Variants in CCDC30 observed in about 807,000 individuals in gnomAD.
The protein encoded by CCDC30 is coiled-coil domain-containing protein 30.
Under a neutral mutation model 100.2 loss-of-function variants are expected in CCDC30, and 70 were observed. The ratio of observed to expected loss-of-function variants is 0.70; its 90% CI spans 0.58 to 0.85. The LOEUF (loss-of-function observed/expected upper bound fraction) is 0.85. Ranked by LOEUF, CCDC30 falls within the 40% of genes least tolerant of loss-of-function variation. The pLI, the probability that CCDC30 is intolerant of heterozygous loss-of-function variation, is 0.00. For missense variants in CCDC30, 652 were observed against 771.2 expected (o/e 0.85, Z 1.83); for synonymous variants, 233 against 269.5 (o/e 0.86, Z 1.33).
chr1:42,653,315 G>C lies in CCDC30; in HGVS notation c.1855-61G>C. 4 of 933,952 alleles carry C rather than the reference G, an allele frequency of 4.3e-6. No individual in the cohort carries two copies. In the South Asian group the frequency reaches 6.3e-5, roughly 15 times the overall value. The allele number at this position is 933,952 out of a possible 1,614,324, so 57.9% of individuals were successfully genotyped here. On this transcript the variant is annotated intron_variant, in intron 15 of 16. Transcript: ENST00000668663. ...CTATTATATATATATTTTTTTCTAG[G>C]ATCATATAGCTAATGGTTTATCATT...
At position 42,644,601 on chromosome 1, in the gene CCDC30, A is replaced by G. The variant is rs1169487375; in HGVS notation, c.1557-92A>G. The G allele has an allele frequency of 1.1e-5, 8 of 732,308 alleles. No individual in the cohort carries two copies. In the East Asian group the frequency reaches 2.1e-4, roughly 19 times the overall value. 45.4% of individuals were successfully genotyped at this position (732,308 alleles called of 1,614,324 possible). A position where few individuals can be genotyped will look rare whatever the true frequency, so the allele number is the denominator to read the frequency against. The stretch of plus-strand genomic sequence containing the variant: ...TCTAAAATCTGGACAGTAGTCTAAG[A>G]TCCGGGGCCAGTGGGAAGTGGGATG... On this transcript the variant is annotated intron_variant, in intron 13 of 16. Coordinates refer to ENST00000668663, the Ensembl canonical transcript of CCDC30.
chr1:42,509,128 T>C (rs1173618876), intron 6 of CCDC30, among the ~76,000 whole-genome samples: 2 of 152,184 alleles, frequency 1.3e-5, no homozygotes, highest in Non-Finnish European at 2.9e-5. Context: ...ATTGCAAAAC[T>C]GTGACTGAGA....
chr1:42,456,234 C>T, the CCDC30 span: 1 of 607,772 alleles, frequency 1.6e-6, no homozygotes, highest in South Asian at 1.9e-5. Flanking sequence ...GAAACGACTC[C>T]CAAGGAGTCC....
chr1:42,641,645 T>A (rs1364474658), intron 12 of CCDC30, among the ~76,000 whole-genome samples: 15 of 151,956 alleles, frequency 9.9e-5, no homozygotes, highest in Admixed American at 9.8e-4. Context: ...GGCGGGCAGA[T>A]CACTTGTGAT....
intron 6 of CCDC30, among the ~76,000 whole-genome samples, chr1:42,520,634 CT>C (rs1181298704): frequency 2.9e-3 from 190 of 64,770 alleles, no homozygotes; most frequent in South Asian, 0.017. Flanking sequence ...CCGGCCTCAT[CT>C]TTTTTTTTTT....
chr1:42,542,032 G>A (rs1198699616), intron 6 of CCDC30, among the ~76,000 whole-genome samples: 1 of 152,190 alleles, frequency 6.6e-6, no homozygotes, highest in Non-Finnish European at 1.5e-5. Context: ...CTAGCCTAAG[G>A]CCTCAATCAG....
the CCDC30 span, chr1:42,456,430 G>A: frequency 4.2e-6 from 4 of 951,318 alleles, no homozygotes; most frequent in South Asian, 3.7e-5. Context: ...CAGACTTGGC[G>A]AGATCGGGAC....
At chr1:42,482,620 A>C in intron 2 of CCDC30, 43 bp from the exon 3 acceptor site, 1 of 1,151,810 alleles carries the variant, frequency 8.7e-7, no homozygotes, top group Non-Finnish European at 1.1e-6. Flanking sequence ...TCATGAGAGT[A>C]CATTTGCTCT....
downstream of CCDC30, among the ~76,000 whole-genome samples, chr1:42,656,820 C>T (rs188739241): frequency 3.1e-3 from 471 of 152,216 alleles, 1 homozygote; most frequent in African/African-American, 4.4e-3. Flanking sequence ...GTATTTAGCA[C>T]GTAGTAACTG....
chr1:42,637,197 CTG>C (rs1647177244), intron 11 of CCDC30, 38 bp from the exon 16 acceptor site: 3 of 1,513,926 alleles, frequency 2.0e-6, no homozygotes, highest in Admixed American at 2.3e-5. Flanking sequence ...TAAATTTTAA[CTG>C]TGTTCAGATG....
At chr1:42,521,320 T>G (rs1022763065) in intron 6 of CCDC30, 14 of 154,702 alleles carry the variant, frequency 9.0e-5, no homozygotes, top group African/African-American at 3.1e-4. Context: ...TTTGATCCAT[T>G]GGTTTTTTAA....
rs768434214 is a variant in CCDC30, at chr1:42,536,602, G to T, written c.457-29694G>T. On this transcript the variant is annotated intron_variant, in intron 6 of 16. Coordinates refer to ENST00000668663, the Ensembl canonical transcript of CCDC30. Reference sequence around the variant, plus strand: ...GAAGGCCTTGAAAGTTGAAAGTGAGGTATTACCATTCAGGAAGCTGTTTTC... The same window carrying T: ...GAAGGCCTTGAAAGTTGAAAGTGAGTTATTACCATTCAGGAAGCTGTTTTC... 1 of 1,560,530 alleles carries T rather than the reference G, an allele frequency of 6.4e-7. No individual in the cohort carries two copies. Among genetic ancestry groups the T allele is most frequent in the Admixed American group, 1.7e-5 (1 of 57,186 alleles).
intron 6 of CCDC30, among the ~76,000 whole-genome samples, chr1:42,524,183 A>G (rs1283391807): frequency 6.6e-6 from 1 of 151,778 alleles, no homozygotes; most frequent in East Asian, 1.9e-4. Context: ...GAACATCTGA[A>G]TCTAATGTGG....
chr1:42,624,175 A>C (rs898171960), intron 11 of CCDC30, among the ~76,000 whole-genome samples: 55 of 152,318 alleles, frequency 3.6e-4, no homozygotes, highest in Middle Eastern at 3.4e-3. Flanking sequence ...ATCATCTGCA[A>C]ACAAGAATAA....
intron 5 of CCDC30, among the ~76,000 whole-genome samples, chr1:42,498,170 G>T (rs1289190456): frequency 2.0e-5 from 3 of 152,324 alleles, no homozygotes; most frequent in Non-Finnish European, 4.4e-5. Context: ...AAATAATACA[G>T]TCACAAAAGG....
At chr1:42,649,068 CAAAGAA>C (rs1648123947) in intron 15 of CCDC30, among the ~76,000 whole-genome samples, 1 of 152,002 alleles carries the variant, frequency 6.6e-6, no homozygotes, top group Non-Finnish European at 1.5e-5. Flanking sequence ...AGTCTTCCAT[CAAAGAA>C]AAGATCAGAA....
chr1:42,464,035 T>C (rs1010331564), intron 1 of CCDC30, 137 bp downstream of exon 1: 7 of 152,292 alleles, frequency 4.6e-5, no homozygotes, highest in Admixed American at 2.6e-4. Flanking sequence ...GAATGTCCAT[T>C]TGTCTGCACC....
rs149697925 is a variant in CCDC30 at position 42,597,844 on chromosome 1, G to A, written c.1164+8361G>A. 4.5e-3 allele frequency among the ~76,000 whole-genome samples: 647 copies of A among 143,708 alleles called. 5 individuals are homozygous for A. The highest frequency in any genetic ancestry group is 0.015 in the African/African-American group (584 of 38,498). The allele number at this position is 143,708 out of a possible 152,430, so 94.3% of individuals were successfully genotyped here. ...CATGCCACTGCATTCCAGCCTAGGG[G>A]ACAAAGCAAGAATCTGCCTTAAAAA... On this transcript the variant is annotated intron_variant, in intron 10 of 16. Transcript: ENST00000668663.
At chr1:42,649,666 T>G (rs1020623492) in intron 15 of CCDC30, among the ~76,000 whole-genome samples, 2 of 152,196 alleles carry the variant, frequency 1.3e-5, no homozygotes, top group African/African-American at 4.8e-5. Flanking sequence ...TTGTGTCTAC[T>G]TGTTGACATG....
Sources: gnomAD v4.1 joint callset for allele counts (sites outside exome capture counted in the v4.1 genomes callset) on GRCh38, gnomAD v4.1.1 for gene constraint, MANE v1.5 for transcripts, NCBI Gene and HGNC (gene_info 2026-07-23, HGNC 2026-07-21) for gene names.